The following ZNF626 variants were observed in gnomAD, a reference collection of about 807,000 sequenced individuals.
ZNF626 encodes the protein CTC-513N18.7.
Under a neutral mutation model 11.7 loss-of-function variants are expected in ZNF626, and 4 were observed. The ratio of observed to expected loss-of-function variants is 0.34; its 90% CI spans 0.17 to 0.78. The LOEUF is 0.78. Among genes scored for constraint, ZNF626 ranks in the 30% least tolerant of loss-of-function variants. The probability of loss-of-function intolerance (pLI) is 0.57; values close to 1 mark genes in which losing one functional copy is unlikely to be tolerated. For missense variants in ZNF626, 588 were observed against 587.1 expected (o/e 1.00, Z -0.01); for synonymous variants, 179 against 198.6 (o/e 0.90, Z 0.83).
chr19:20,654,379 G>T (rs1037359698), intron 1 of ZNF626, among the ~76,000 whole-genome samples: 3 of 147,630 alleles, frequency 2.0e-5, no homozygotes, highest in Admixed American at 1.4e-4. Context: ...GGAGGCGGAG[G>T]TTGCAGTGAG....
chr19:20,646,851 T>C (rs1970085123), intron 1 of ZNF626, among the ~76,000 whole-genome samples: 1 of 152,146 alleles, frequency 6.6e-6, no homozygotes, highest in African/African-American at 2.4e-5. Context: ...TTTATTTATT[T>C]ATTTATTTAT....
At chr19:20,650,989 C>T (rs1261066167) in intron 1 of ZNF626, among the ~76,000 whole-genome samples, 1 of 151,908 alleles carries the variant, frequency 6.6e-6, no homozygotes, top group African/African-American at 2.4e-5. Flanking sequence ...GAGTTCAAGA[C>T]CAGACTAACC....
chr19:20,652,025 C>G (rs1203987389), intron 1 of ZNF626, among the ~76,000 whole-genome samples: 2 of 152,148 alleles, frequency 1.3e-5, no homozygotes, highest in African/African-American at 4.8e-5. Context: ...TGTGAAAAAT[C>G]TCACAGAACC....
intron 3 of ZNF626, chr19:20,645,249 C>T: frequency 1.4e-6 from 2 of 1,397,756 alleles, no homozygotes; most frequent in Non-Finnish European, 1.9e-6. Flanking sequence ...GAAAAATGAA[C>T]AAAAAAAAAT....
At chr19:20,629,590 G>C (rs1969879986) in intron 3 of ZNF626, among the ~76,000 whole-genome samples, 1 of 152,040 alleles carries the variant, frequency 6.6e-6, no homozygotes, top group Non-Finnish European at 1.5e-5. Flanking sequence ...GTCTGTTATT[G>C]GTATATAAGA....
chr19:20,642,152 A>G (rs1177169508), intron 3 of ZNF626, among the ~76,000 whole-genome samples: 9 of 152,224 alleles, frequency 5.9e-5, no homozygotes, highest in African/African-American at 2.2e-4. Context: ...TTTATAGATA[A>G]ACACACACAT....
At position 20,661,538 on chromosome 19, in the gene ZNF626, A is replaced by T. The variant is rs1970269300; in HGVS notation, c.-92T>A. 57 of 550,776 alleles carry T rather than the reference A, an allele frequency of 1.0e-4. No homozygotes were observed. Among genetic ancestry groups the T allele is most frequent in the Non-Finnish European group, 1.5e-4 (53 of 354,058 alleles). The allele number at this position is 550,776 out of a possible 1,614,324, so 34.1% of individuals were successfully genotyped here. A position where few individuals can be genotyped will look rare whatever the true frequency, so the allele number is the denominator to read the frequency against. ...ACACAGCCTGGGCCTTTAGGAGAAG[A>T]ACCAGACCTGGAGCTCTGACTGCAG... On this transcript the variant is annotated 5_prime_UTR_variant, in exon 1 of 4. Transcript: ENST00000601440.
At chr19:20,648,959 C>T (rs146225690) in intron 1 of ZNF626, among the ~76,000 whole-genome samples, 277 of 152,216 alleles carry the variant, frequency 1.8e-3, no homozygotes, top group African/African-American at 5.9e-3. Context: ...TCTTGACTAT[C>T]GTAAGAATTT....
At chr19:20,650,545 C>T (rs1555772491) in intron 1 of ZNF626, among the ~76,000 whole-genome samples, 1 of 152,136 alleles carries the variant, frequency 6.6e-6, no homozygotes, top group African/African-American at 2.4e-5. Context: ...AGAAAGACAA[C>T]AGGATTCACC....
chr19:20,641,084 C>T (rs1470110649), intron 3 of ZNF626, among the ~76,000 whole-genome samples: 2 of 148,072 alleles, frequency 1.4e-5, no homozygotes, highest in Admixed American at 1.4e-4. Flanking sequence ...TGCAGTTAGA[C>T]GAGACCACAC....
At chr19:20,629,241 G>A (rs7256022) in intron 3 of ZNF626, among the ~76,000 whole-genome samples, 3 of 150,020 alleles carry the variant, frequency 2.0e-5, no homozygotes, top group African/African-American at 7.5e-5. Context: ...TATTCTTTTG[G>A]CTTAGGATTG....
chr19:20,622,716 T>C lies in ZNF626; in HGVS notation c.*1574A>G, dbSNP rs1969771390. On this transcript the variant is annotated 3_prime_UTR_variant, in exon 4 of 4. Coordinates refer to ENST00000601440, the MANE Select transcript of ZNF626 (RefSeq NM_001076675.3). ...AACTTATATACAAATTTAACAACTT[T>C]AGTTGTGAATTCATTTATATACTCA... is the stretch of plus-strand genomic sequence containing the variant. The C allele has an allele frequency of 1.3e-5, 2 of 152,210 alleles. No homozygotes were observed. The highest frequency in any genetic ancestry group is 2.9e-5 in the Non-Finnish European group (2 of 68,014). 9.4% of individuals were successfully genotyped at this position (152,210 alleles called of 1,614,324 possible).
intron 2 of ZNF626, 94 bp downstream of exon 2, chr19:20,646,183 ACT>A: frequency 7.5e-7 from 1 of 1,341,676 alleles, no homozygotes. Context: ...GGGATCTGAA[ACT>A]CTTTTATGCA....
At chr19:20,643,032 G>A (rs898370720) in intron 3 of ZNF626, among the ~76,000 whole-genome samples, 5 of 150,868 alleles carry the variant, frequency 3.3e-5, no homozygotes, top group Non-Finnish European at 1.5e-5. Context: ...AAAAAAATTT[G>A]TTGAAGTAAC....
At position 20,622,109 on chromosome 19, in the gene ZNF626, C is replaced by T. The variant is rs941117788; in HGVS notation, c.*2181G>A. The T allele has an allele frequency of 6.6e-6, 1 of 152,198 alleles. No homozygotes were observed. The highest frequency in any genetic ancestry group is 2.4e-5 in the African/African-American group (1 of 41,452). The allele number at this position is 152,198 out of a possible 1,614,324, so 9.4% of individuals were successfully genotyped here. ...GGCTGAGGCAGGAGAATTTCTTGAACTTGGGAGGTGGAGGTTGCAGTCATT... is the reference window on the plus strand; with the variant it reads ...GGCTGAGGCAGGAGAATTTCTTGAATTTGGGAGGTGGAGGTTGCAGTCATT... On this transcript the variant is annotated 3_prime_UTR_variant, in exon 4 of 4. Coordinates refer to ENST00000601440, the MANE Select transcript of ZNF626 (RefSeq NM_001076675.3).
chr19:20,623,579 A>T lies in ZNF626; in HGVS notation c.*711T>A, dbSNP rs1969781553. On this transcript the variant is annotated 3_prime_UTR_variant, in exon 4 of 4. Transcript: ENST00000601440. ...TTTAGGAGGCTGAGGTGGGTGGATC[A>T]TGTGAGGTCAGGGGTTGGATACCAG... The T allele has an allele frequency of 6.2e-6, 1 of 161,492 alleles. No homozygotes were observed. Among genetic ancestry groups the T allele is most frequent in the Admixed American group, 5.8e-5 (1 of 17,192 alleles). 10.0% of individuals were successfully genotyped at this position (161,492 alleles called of 1,614,324 possible).
At chr19:20,630,013 C>G (rs1178793971) in intron 3 of ZNF626, among the ~76,000 whole-genome samples, 3 of 152,162 alleles carry the variant, frequency 2.0e-5, no homozygotes, top group Admixed American at 2.0e-4. Flanking sequence ...TGTGAAAGGC[C>G]TTTTCTGTAT....
At chr19:20,636,673 C>T (rs191237173) in intron 3 of ZNF626, among the ~76,000 whole-genome samples, 45 of 152,090 alleles carry the variant, frequency 3.0e-4, no homozygotes, top group Non-Finnish European at 5.9e-4. Flanking sequence ...AAAATAAAGA[C>T]TTTCCAAAAT....
intron 3 of ZNF626, among the ~76,000 whole-genome samples, chr19:20,640,218 C>T (rs10408881): frequency 0.45 from 66,201 of 147,512 alleles, 16,041 homozygotes; most frequent in African/African-American, 0.63. Context: ...ATATTAAATT[C>T]AATTATTTAA....
Sources: gnomAD v4.1 joint callset for allele counts (sites outside exome capture counted in the v4.1 genomes callset) on GRCh38, gnomAD v4.1.1 for gene constraint, MANE v1.5 for transcripts, NCBI Gene and HGNC (gene_info 2026-07-23, HGNC 2026-07-21) for gene names.